The following GYPC variants were observed in gnomAD, a reference collection of about 807,000 sequenced individuals.
GYPC encodes glycophorin-C.
A neutral mutation model predicts 12.6 loss-of-function variants in GYPC; 14 were observed. The ratio of observed to expected loss-of-function variants is 1.11; its 90% CI spans 0.74 to 1.74. GYPC has a LOEUF of 1.74. Among genes scored for constraint, GYPC ranks in the 40% most tolerant of loss-of-function variants. The probability of loss-of-function intolerance (pLI) is 0.00; values close to 1 mark genes in which losing one functional copy is unlikely to be tolerated. For synonymous variants in GYPC, 78 were observed against 62.1 expected, an observed-to-expected ratio of 1.26 and a Z score of -1.20; for missense variants, 225 against 172.1, an observed-to-expected ratio of 1.31 and a Z score of -1.72.
At chr2:126,672,806 A>G (rs998393552) in intron 1 of GYPC, among the ~76,000 whole-genome samples, 1 of 152,106 alleles carries the variant, frequency 6.6e-6, no homozygotes, top group African/African-American at 2.4e-5. Flanking sequence ...TGGGGGAGGA[A>G]GGCCAGGAAC....
Position 126,696,246 on chromosome 2 carries a change from A to G in GYPC, c.*104A>G. ...CTGATACCACCAGACAGAGAGAGAGAGCACTTGATTCTTCCCGAGATAGCC... is the reference window on the plus strand; with the variant it reads ...CTGATACCACCAGACAGAGAGAGAGGGCACTTGATTCTTCCCGAGATAGCC... On this transcript the variant is annotated 3_prime_UTR_variant, in exon 4 of 4. Coordinates refer to ENST00000259254, the MANE Select transcript of GYPC (RefSeq NM_002101.5). 1.2e-6 allele frequency: 1 copy of G among 866,710 alleles called. No individual in the cohort carries two copies. The highest frequency in any genetic ancestry group is 1.9e-6 in the Non-Finnish European group (1 of 523,326). 53.7% of individuals were successfully genotyped at this position (866,710 alleles called of 1,614,324 possible).
At chr2:126,664,927 C>T (rs1000856922) in intron 1 of GYPC, among the ~76,000 whole-genome samples, 1 of 151,758 alleles carries the variant, frequency 6.6e-6, no homozygotes, top group African/African-American at 2.4e-5. Context: ...TAGGGAGGCT[C>T]AGGTCATGCA....
chr2:126,680,433 A>G (rs1250364131), intron 1 of GYPC: 1 of 152,226 alleles, frequency 6.6e-6, no homozygotes, highest in Non-Finnish European at 1.5e-5. Context: ...ATAGGAAGTG[A>G]GAGGAACCTT....
chr2:126,657,218 G>GA (rs369026241), intron 1 of GYPC, among the ~76,000 whole-genome samples: 103 of 152,334 alleles, frequency 6.8e-4, no homozygotes, highest in Middle Eastern at 3.4e-3. Flanking sequence ...CCTGAGCTTG[G>GA]AGCTTGGCGT....
intron 1 of GYPC, among the ~76,000 whole-genome samples, chr2:126,660,979 G>C (rs561217867): frequency 6.6e-6 from 1 of 152,054 alleles, no homozygotes; most frequent in South Asian, 2.1e-4. Flanking sequence ...TTACATAATC[G>C]GAACTTCTGA....
At chr2:126,661,811 C>T (rs1175714637) in intron 1 of GYPC, among the ~76,000 whole-genome samples, 3 of 152,218 alleles carry the variant, frequency 2.0e-5, no homozygotes, top group Non-Finnish European at 4.4e-5. Flanking sequence ...CTGCTTGGGG[C>T]CCAGCAGGCA....
intron 1 of GYPC, among the ~76,000 whole-genome samples, chr2:126,689,542 C>A (rs1683393485): frequency 6.6e-6 from 1 of 150,442 alleles, no homozygotes; most frequent in Admixed American, 6.6e-5. Flanking sequence ...GGGGCAGATC[C>A]CTCATGCATA....
chr2:126,694,884 T>G (rs659073), intron 3 of GYPC, among the ~76,000 whole-genome samples: 1 of 151,748 alleles, frequency 6.6e-6, no homozygotes, highest in African/African-American at 2.4e-5. Context: ...CCCCCTCACT[T>G]TCAAGGTCCT....
chr2:126,679,788 C>T (rs113949548), intron 1 of GYPC: 10,489 of 152,212 alleles, frequency 0.069, 456 homozygotes, highest in Non-Finnish European at 0.1. Context: ...GCAGGAGAAT[C>T]GCTTCAATCC....
chr2:126,675,139 G>A (rs114968863), intron 1 of GYPC, among the ~76,000 whole-genome samples: 2,378 of 152,148 alleles, frequency 0.016, 81 homozygotes, highest in African/African-American at 0.054. Flanking sequence ...ACCAGGCCCC[G>A]CCACAAAGCC....
At position 126,656,158 on chromosome 2, in the gene GYPC, C is replaced by A; in HGVS notation, c.-106C>A. 6.7e-7 allele frequency: 1 copy of A among 1,496,600 alleles called. No individual in the cohort carries two copies. The highest frequency in any genetic ancestry group is 1.3e-5 in the South Asian group (1 of 78,702). The allele number at this position is 1,496,600 out of a possible 1,614,324, so 92.7% of individuals were successfully genotyped here. On this transcript the variant is annotated 5_prime_UTR_variant, in exon 1 of 4. Transcript: ENST00000259254. ...GAGGAGTGTGACCCAGGTGCCGCTT[C>A]CTCTCGCCGCCGAGGGTCAGGAGCC...
rs1683654570 is a variant in GYPC, at chr2:126,696,577, G to T, written c.*435G>T. Reference sequence around the variant, plus strand: ...ATCAAATGTCAGTCCTTGACATTTGGGGGGAACAGCAGGTGCCAGAGCTAA... The same window carrying T: ...ATCAAATGTCAGTCCTTGACATTTGTGGGGAACAGCAGGTGCCAGAGCTAA... On this transcript the variant is annotated 3_prime_UTR_variant, in exon 4 of 4. Transcript: ENST00000259254. 1.5e-5 allele frequency: 4 copies of T among 267,998 alleles called. No individual in the cohort carries two copies. Among genetic ancestry groups the T allele is most frequent in the South Asian group, 8.4e-5 (2 of 23,792 alleles). 16.6% of individuals were successfully genotyped at this position (267,998 alleles called of 1,614,324 possible).
chr2:126,657,480 C>G lies in GYPC; in HGVS notation c.49+1168C>G, dbSNP rs1047392930. On this transcript the variant is annotated intron_variant, in intron 1 of 3. Transcript: ENST00000259254. The stretch of plus-strand genomic sequence containing the variant: ...AGCAGCACGAAGTGCGTATAAATGT[C>G]CCGGCACGGAGTCTGACACATCCTA... 3.9e-5 allele frequency: 6 copies of G among 152,376 alleles called. 1 individual carries two copies. The highest frequency in any genetic ancestry group is 1.2e-4 in the African/African-American group (5 of 41,578). 9.4% of individuals were successfully genotyped at this position (152,376 alleles called of 1,614,324 possible).
rs528416388 is a variant in GYPC at position 126,682,903 on chromosome 2, C to G, written c.50-7352C>G. Among the ~76,000 whole-genome samples, 8 of 152,348 alleles carry G rather than the reference C, an allele frequency of 5.3e-5. No homozygotes were observed. The South Asian group carries it at 6.2e-4, about 12-fold the overall frequency. On this transcript the variant is annotated intron_variant, in intron 1 of 3. Coordinates refer to ENST00000259254, the MANE Select transcript of GYPC (RefSeq NM_002101.5). ...AGAGCCACTAGAATCGCCTCCTCCC[C>G]ACTCTTCCTGCCTCTTTCAAATTTG...
intron 2 of GYPC, among the ~76,000 whole-genome samples, chr2:126,690,520 C>G (rs1292080276): frequency 6.6e-6 from 1 of 152,098 alleles, no homozygotes; most frequent in African/African-American, 2.4e-5. Flanking sequence ...GGAGTCTACC[C>G]CTGGGTAAAT....
intron 1 of GYPC, among the ~76,000 whole-genome samples, chr2:126,659,414 G>C (rs1293283580): frequency 6.6e-6 from 1 of 152,196 alleles, no homozygotes; most frequent in African/African-American, 2.4e-5. Flanking sequence ...CCCTGGGTTT[G>C]ACTGCCCTCC....
At chr2:126,689,246 G>A (rs1453156414) in intron 1 of GYPC, among the ~76,000 whole-genome samples, 9 of 152,070 alleles carry the variant, frequency 5.9e-5, no homozygotes, top group African/African-American at 2.2e-4. Context: ...CACTCCAGAG[G>A]CAAGAGCACT....
intron 1 of GYPC, among the ~76,000 whole-genome samples, chr2:126,687,380 G>C (rs1683321109): frequency 1.3e-5 from 2 of 152,164 alleles, no homozygotes; most frequent in Admixed American, 1.3e-4. Context: ...AGTAGGTCTG[G>C]GCTGGGGCCT....
intron 1 of GYPC, among the ~76,000 whole-genome samples, chr2:126,674,465 A>T (rs930766029): frequency 7.2e-4 from 7 of 9,786 alleles, no homozygotes; most frequent in Admixed American, 6.7e-3. Context: ...TGGGGGGGGA[A>T]TACAGGCTCG....
Sources: allele counts gnomAD v4.1 joint callset (sites outside exome capture counted in the v4.1 genomes callset), GRCh38; gene constraint gnomAD v4.1.1; transcripts MANE v1.5; gene names NCBI Gene and HGNC (gene_info 2026-07-23, HGNC 2026-07-21).